Variants in SEC63 observed in about 807,000 individuals in gnomAD.
SEC63 encodes the protein SEC63 protein translocation regulator.
SEC63 carries 56 observed loss-of-function variants against 116.2 expected under a neutral mutation model. That is an observed-to-expected ratio of 0.48 (90% confidence interval 0.39 to 0.60). SEC63 has a LOEUF of 0.60. Ranked by LOEUF, SEC63 falls within the 20% of genes least tolerant of loss-of-function variation. The pLI, the probability that SEC63 is intolerant of heterozygous loss-of-function variation, is 0.00. For missense variants in SEC63, 668 were observed against 900.0 expected (o/e 0.74, Z 3.30); for synonymous variants, 273 against 294.6 (o/e 0.93, Z 0.75).
intron 11 of SEC63, 50 bp from the exon 12 acceptor site, chr6:107,903,048 C>A: frequency 6.3e-7 from 1 of 1,589,634 alleles, no homozygotes; most frequent in South Asian, 1.1e-5. Context: ...TTTACATGTT[C>A]AGGAGTATAC....
intron 18 of SEC63, among the ~76,000 whole-genome samples, chr6:107,878,763 G>A (rs1161870548): frequency 6.6e-6 from 1 of 152,084 alleles, no homozygotes; most frequent in East Asian, 1.9e-4. Context: ...GCTGAGGTGG[G>A]AGAATCACTT....
intron 1 of SEC63, among the ~76,000 whole-genome samples, chr6:107,945,539 C>G (rs573904346): frequency 3.2e-4 from 49 of 151,948 alleles, no homozygotes; most frequent in Middle Eastern, 3.4e-3. Flanking sequence ...CTCTTGACCT[C>G]GTGATCCACC....
chr6:107,949,046 AT>A (rs1192375224), intron 1 of SEC63, among the ~76,000 whole-genome samples: 1 of 152,154 alleles, frequency 6.6e-6, no homozygotes. Context: ...GTCTGAGTTG[AT>A]TTTTCAGCCA....
chr6:107,891,403 T>C (rs1786678285), intron 16 of SEC63, among the ~76,000 whole-genome samples: 2 of 151,980 alleles, frequency 1.3e-5, no homozygotes. Context: ...CGTGCTGTGT[T>C]TTCCAGCTCC....
intron 14 of SEC63, among the ~76,000 whole-genome samples, 177 bp from the exon 15 acceptor site, chr6:107,894,074 C>T (rs572219153): frequency 1.5e-4 from 23 of 152,278 alleles, no homozygotes; most frequent in Non-Finnish European, 2.6e-4. Flanking sequence ...CAGGTAGATA[C>T]CTTCTAAAGT....
intron 3 of SEC63, among the ~76,000 whole-genome samples, chr6:107,923,892 G>T (rs913101951): frequency 6.6e-6 from 1 of 152,108 alleles, no homozygotes; most frequent in African/African-American, 2.4e-5. Context: ...AAGGTCATAA[G>T]ATTTTTATCA....
chr6:107,876,518 C>T, intron 19 of SEC63, 46 bp downstream of exon 19: 4 of 1,093,900 alleles, frequency 3.7e-6, no homozygotes, highest in Non-Finnish European at 5.6e-6. Context: ...ATGATGGTGA[C>T]AGCTGTGCCT....
chr6:107,883,651 T>C (rs1786462571), intron 16 of SEC63, among the ~76,000 whole-genome samples: 1 of 150,042 alleles, frequency 6.7e-6, no homozygotes, highest in African/African-American at 2.4e-5. Flanking sequence ...ATTATATATA[T>C]ATATATATCA....
At chr6:107,896,972 C>T (rs1391617996) in intron 14 of SEC63, among the ~76,000 whole-genome samples, 2 of 145,384 alleles carry the variant, frequency 1.4e-5, no homozygotes, top group Admixed American at 7.0e-5. Flanking sequence ...AAGGGTGAAA[C>T]TCCGTCAAAA....
rs1786061542 is a variant in SEC63 at position 107,868,990 on chromosome 6, A to G, written c.*2714T>C. The G allele has an allele frequency of 6.6e-6, 1 of 152,166 alleles. No homozygotes were observed. The highest frequency in any genetic ancestry group is 2.4e-5 in the African/African-American group (1 of 41,414). The allele number at this position is 152,166 out of a possible 1,614,324, so 9.4% of individuals were successfully genotyped here. ...GTGGTCAAAAATAACATGCCTAGAG[A>G]GCCTCATTATATCTCTCCCTCCCTG... On this transcript the variant is annotated 3_prime_UTR_variant, in exon 21 of 21. Coordinates refer to ENST00000369002, the MANE Select transcript of SEC63 (RefSeq NM_007214.5).
chr6:107,875,379 C>A (rs532134816), intron 19 of SEC63, among the ~76,000 whole-genome samples: 9 of 152,260 alleles, frequency 5.9e-5, no homozygotes, highest in African/African-American at 2.2e-4. Context: ...TGCTTGTTAA[C>A]TTTTCAATAG....
Position 107,872,861 on chromosome 6 carries a change from C to G in SEC63, c.2086G>C (p.Val696Leu), listed in dbSNP as rs767955182. Residue 696 changes from valine (V) to leucine (L), a missense_variant, in exon 20 of 21, where the codon GTG (valine) becomes CTG (leucine). Val to Leu is a conservative substitution (Grantham distance 32). Coordinates refer to ENST00000369002, the MANE Select transcript of SEC63 (RefSeq NM_007214.5). ...PGKPGNYQYT[V>L]FLRSDSYMGL... ...ATATAGGAGTCTGATCTCAGAAACA[C>G]AGTATACTGATAATTTCCAGGCTTG... 1.6e-5 allele frequency: 25 copies of G among 1,553,914 alleles called. No homozygotes were observed. Among genetic ancestry groups the G allele is most frequent in the Non-Finnish European group, 2.1e-5 (24 of 1,147,160 alleles).
At chr6:107,913,185 T>C (rs1458426799) in intron 5 of SEC63, among the ~76,000 whole-genome samples, 181 bp downstream of exon 5, 2 of 152,182 alleles carry the variant, frequency 1.3e-5, no homozygotes, top group Non-Finnish European at 1.5e-5. Context: ...TTAAATTATA[T>C]CTTTCAAACT....
At chr6:107,946,981 G>A (rs934111217) in intron 1 of SEC63, among the ~76,000 whole-genome samples, 1 of 152,160 alleles carries the variant, frequency 6.6e-6, no homozygotes, top group Non-Finnish European at 1.5e-5. Flanking sequence ...TCCAGCCTGG[G>A]CAACAGGGCA....
chr6:107,936,704 T>C (rs1401507216), intron 1 of SEC63, among the ~76,000 whole-genome samples: 1 of 152,224 alleles, frequency 6.6e-6, no homozygotes, highest in Non-Finnish European at 1.5e-5. Context: ...ATAAACCACA[T>C]AGTGCCTTTG....
intron 1 of SEC63, among the ~76,000 whole-genome samples, chr6:107,944,376 T>C (rs1462285703): frequency 8.5e-5 from 13 of 152,188 alleles, no homozygotes; most frequent in Non-Finnish European, 1.3e-4. Flanking sequence ...TAAGCACTTA[T>C]ACACACAAGT....
chr6:107,893,107 TACACACAC>T (rs55814816), intron 16 of SEC63, among the ~76,000 whole-genome samples: 9,820 of 145,798 alleles, frequency 0.067, 375 homozygotes, highest in Admixed American at 0.11. Flanking sequence ...TGAAATACTA[TACACACAC>T]ACACACACAC....
At chr6:107,950,108 G>A (rs901031791) in intron 1 of SEC63, among the ~76,000 whole-genome samples, 2 of 152,090 alleles carry the variant, frequency 1.3e-5, no homozygotes, top group Non-Finnish European at 2.9e-5. Flanking sequence ...ATATTCCATG[G>A]AAACAGTAAC....
chr6:107,913,847 C>T (rs1787340341), intron 4 of SEC63, among the ~76,000 whole-genome samples: 1 of 152,146 alleles, frequency 6.6e-6, no homozygotes, highest in Admixed American at 6.5e-5. Context: ...GATAAATACA[C>T]ATTTTTTAAA....
Sources: gnomAD v4.1 joint callset for allele counts (sites outside exome capture counted in the v4.1 genomes callset) on GRCh38, gnomAD v4.1.1 for gene constraint, MANE v1.5 for transcripts, NCBI Gene and HGNC (gene_info 2026-07-23, HGNC 2026-07-21) for gene names.